The following CIP2A variants were observed in gnomAD, a reference collection of about 807,000 sequenced individuals.
CIP2A encodes the protein cellular inhibitor of PP2A, also known as protein CIP2A.
CIP2A carries 103 observed loss-of-function variants against 110.9 expected under a neutral mutation model. That is an observed-to-expected ratio of 0.93 (90% CI 0.79 to 1.09). The LOEUF is 1.09. Among genes scored for constraint, CIP2A ranks in the 50% least tolerant of loss-of-function variants. The pLI is 0.00. For synonymous variants in CIP2A, 381 were observed against 361.6 expected, an observed-to-expected ratio of 1.05 and a Z score of -0.61; for missense variants, 1,088 against 1,038.4, an observed-to-expected ratio of 1.05 and a Z score of -0.66.
intron 7 of CIP2A, among the ~76,000 whole-genome samples, chr3:108,578,039 T>C (rs931132419): frequency 6.6e-6 from 1 of 152,232 alleles, no homozygotes; most frequent in African/African-American, 2.4e-5. Context: ...AGTTAGACTT[T>C]GGAAGAGATT....
At chr3:108,559,172 T>C (rs991572411) in intron 16 of CIP2A, among the ~76,000 whole-genome samples, 1 of 152,092 alleles carries the variant, frequency 6.6e-6, no homozygotes, top group Non-Finnish European at 1.5e-5. Context: ...GAAGCAGAGA[T>C]AGGGCAGAAA....
In CIP2A at chr3:108,568,263, G is replaced by C. The variant is rs752598971; in HGVS notation, c.1165C>G (p.Leu389Val). ...CSSADRFVTL[L>V]LPTILDQLQF... ...AGTTGATCAAGGATTGTAGGCAGCA[G>C]AAGGGTCACAAAACGATCAGCCGAG... Residue 389 changes from leucine (L) to valine (V), a missense_variant, in exon 10 of 21, where the codon CTG (leucine) becomes GTG (valine). Transcript: ENST00000295746. The C allele has an allele frequency of 6.2e-7, 1 of 1,612,264 alleles. No homozygotes were observed. The highest frequency in any genetic ancestry group is 1.1e-5 in the South Asian group (1 of 91,030).
Position 108,582,966 on chromosome 3 carries a change from G to C in CIP2A, c.357+11C>G, listed in dbSNP as rs1938930060. 6.4e-7 allele frequency: 1 copy of C among 1,551,492 alleles called. No homozygotes were observed. Among genetic ancestry groups the C allele is most frequent in the African/African-American group, 1.4e-5 (1 of 73,528 alleles). On this transcript the variant is annotated intron_variant, in intron 3 of 20. Transcript: ENST00000295746. ...TAAGGAAAGGGGAATACACTGTGTG[G>C]GTCTGTATACCTGCAAAAACACCGA...
chr3:108,576,076 A>C (rs1236151832), intron 8 of CIP2A, among the ~76,000 whole-genome samples, 195 bp downstream of exon 8: 1 of 151,922 alleles, frequency 6.6e-6, no homozygotes, highest in Non-Finnish European at 1.5e-5. Flanking sequence ...ACTGACTAAA[A>C]GGGAGCACAA....
At chr3:108,585,661 CTTACT>C (rs1029566786) in intron 1 of CIP2A, 1 of 455,394 alleles carries the variant, frequency 2.2e-6, no homozygotes, top group Non-Finnish European at 4.4e-6. Flanking sequence ...ATACATTCTA[CTTACT>C]TTGAGGGAGG....
chr3:108,556,304 T>C (rs1002597851), intron 17 of CIP2A, among the ~76,000 whole-genome samples: 4 of 152,126 alleles, frequency 2.6e-5, no homozygotes, highest in Admixed American at 6.6e-5. Context: ...TATAAAGCAA[T>C]AAACAAGTTC....
intron 9 of CIP2A, among the ~76,000 whole-genome samples, chr3:108,569,183 C>G (rs9861364): frequency 3.8e-4 from 3 of 7,946 alleles, no homozygotes; most frequent in Admixed American, 1.8e-3. Flanking sequence ...TATATATATA[C>G]ATACACACTA....
intron 11 of CIP2A, among the ~76,000 whole-genome samples, chr3:108,565,731 G>A (rs992242900): frequency 2.2e-4 from 34 of 151,654 alleles, no homozygotes; most frequent in African/African-American, 7.2e-5. Context: ...TAGTAGTTTC[G>A]AAACACAGTT....
chr3:108,586,455 T>C (rs2603119), intron 1 of CIP2A, among the ~76,000 whole-genome samples: 44,778 of 152,100 alleles, frequency 0.29, 7,195 homozygotes, highest in Non-Finnish European at 0.37. Flanking sequence ...ACATAAATTG[T>C]CTAACATGTA....
At chr3:108,580,298 GAC>G (rs1234620584) in intron 5 of CIP2A, among the ~76,000 whole-genome samples, 2 of 152,160 alleles carry the variant, frequency 1.3e-5, no homozygotes, top group African/African-American at 4.8e-5. Flanking sequence ...GTATATTGCT[GAC>G]AGTCATATAG....
At chr3:108,573,351 A>G (rs1484780668) in intron 8 of CIP2A, among the ~76,000 whole-genome samples, 1 of 152,154 alleles carries the variant, frequency 6.6e-6, no homozygotes, top group East Asian at 1.9e-4. Context: ...ACACTCAACT[A>G]TATCTTCCCC....
At chr3:108,580,344 A>C (rs1482160039) in intron 5 of CIP2A, among the ~76,000 whole-genome samples, 1 of 151,944 alleles carries the variant, frequency 6.6e-6, no homozygotes, top group Non-Finnish European at 1.5e-5. Context: ...CAGTTTCTAC[A>C]CATGAAACTA....
chr3:108,586,611 C>T (rs1195600567), intron 1 of CIP2A, among the ~76,000 whole-genome samples: 1 of 152,176 alleles, frequency 6.6e-6, no homozygotes, highest in Admixed American at 6.5e-5. Flanking sequence ...GATCTAGGCA[C>T]TTTACATATG....
chr3:108,566,522 T>A lies in CIP2A; in HGVS notation c.1390A>T (p.Thr464Ser). Residue 464 changes from threonine (T) to serine (S), a missense_variant, in exon 11 of 21, where the codon ACA becomes TCA. Physicochemically the swap from Thr to Ser is moderately conservative, Grantham distance 58. Transcript: ENST00000295746. Reference sequence around the variant, plus strand: ...CATAATTCAGAATCTGCAACCTTTGTTCCAAATCCCAGGTCAATCTTGCCA... The same window carrying A: ...CATAATTCAGAATCTGCAACCTTTGATCCAAATCCCAGGTCAATCTTGCCA... ...TYGKIDLGFG[T>S]KVADSELCKL... The A allele has an allele frequency of 6.2e-7, 1 of 1,608,762 alleles. No individual in the cohort carries two copies. The highest frequency in any genetic ancestry group is 8.5e-7 in the Non-Finnish European group (1 of 1,177,260).
At chr3:108,559,722 T>C (rs1350998820) in intron 16 of CIP2A, 35 bp downstream of exon 16, 5 of 1,245,952 alleles carry the variant, frequency 4.0e-6, no homozygotes, top group East Asian at 4.9e-5. Flanking sequence ...TATTAATTTT[T>C]CTACAAATCA....
At chr3:108,587,880 C>A (rs1156900556) in intron 1 of CIP2A, among the ~76,000 whole-genome samples, 1 of 152,018 alleles carries the variant, frequency 6.6e-6, no homozygotes, top group East Asian at 1.9e-4. Flanking sequence ...CTCCCGAGTT[C>A]AAGCGATTCT....
intron 14 of CIP2A, 50 bp downstream of exon 14, chr3:108,560,599 T>A: frequency 1.8e-6 from 2 of 1,085,848 alleles, no homozygotes; most frequent in Non-Finnish European, 2.7e-6. Flanking sequence ...TAATTGGGAC[T>A]GACATATAGC....
intron 5 of CIP2A, among the ~76,000 whole-genome samples, chr3:108,580,786 G>A (rs1014754458): frequency 3.3e-5 from 5 of 151,896 alleles, no homozygotes; most frequent in Non-Finnish European, 7.4e-5. Context: ...GTGCCACCAC[G>A]CCTGGCTAAT....
chr3:108,582,288 T>C, intron 3 of CIP2A, 86 bp from the exon 4 acceptor site: 1 of 528,562 alleles, frequency 1.9e-6, no homozygotes, highest in Admixed American at 3.1e-5. Flanking sequence ...ATTCTGAGCA[T>C]GTCCTTTTCC....
Sources: allele counts gnomAD v4.1 joint callset (sites outside exome capture counted in the v4.1 genomes callset), GRCh38; gene constraint gnomAD v4.1.1; transcripts MANE v1.5; gene names NCBI Gene and HGNC (gene_info 2026-07-23, HGNC 2026-07-21).